COL6A1: variants seen among roughly 807,000 people sequenced by gnomAD.
COL6A1 encodes collagen type VI alpha 1 chain.
A neutral mutation model predicts 145.6 loss-of-function variants in COL6A1; 80 were observed. The ratio of observed to expected loss-of-function variants is 0.55; its 90% CI spans 0.46 to 0.66. The LOEUF (loss-of-function observed/expected upper bound fraction) is 0.66, where lower values mean the gene tolerates loss of function less well. COL6A1 is among the 30% of genes least tolerant of loss of function. The pLI, the probability that COL6A1 is intolerant of heterozygous loss-of-function variation, is 0.00. For synonymous variants in COL6A1, 638 were observed against 622.8 expected, an observed-to-expected ratio of 1.02 and a Z score of -0.36; for missense variants, 1,364 against 1,473.8, an observed-to-expected ratio of 0.93 and a Z score of 1.22.
intron 19 of COL6A1, among the ~76,000 whole-genome samples, chr21:45,993,307 G>A (rs935445421): frequency 6.6e-6 from 1 of 152,210 alleles, no homozygotes; most frequent in Admixed American, 6.5e-5. Flanking sequence ...CCAGCCTCAG[G>A]GTGCAGAAGC....
chr21:45,993,622 G>C (rs530037270), intron 19 of COL6A1, among the ~76,000 whole-genome samples: 1 of 152,260 alleles, frequency 6.6e-6, no homozygotes, highest in African/African-American at 2.4e-5. Context: ...GCCACCGAGG[G>C]ATTTGGCTCC....
In COL6A1 at chr21:45,984,320, C is replaced by T; in HGVS notation, c.279C>T (p.Tyr93=). Residue 93 remains tyrosine, a synonymous_variant, in exon 3 of 35, where the codon TAC becomes TAT. Coordinates refer to ENST00000361866, the MANE Select transcript of COL6A1 (RefSeq NM_001848.3). The part of the protein sequence containing the change: ...NLVWNAGALH[Y]SDEVEIIQGL... The stretch of plus-strand genomic sequence containing the variant: ...TGTGGAACGCAGGCGCGCTGCACTA[C>T]AGTGACGAGGTGGAGATCATCCAAG... 2 of 1,612,086 alleles carry T rather than the reference C, an allele frequency of 1.2e-6. No homozygotes were observed. Among genetic ancestry groups the T allele is most frequent in the Non-Finnish European group, 1.7e-6 (2 of 1,179,658 alleles).
At chr21:45,991,106 C>T in intron 15 of COL6A1, 65 bp downstream of exon 15, 1 of 1,559,186 alleles carries the variant, frequency 6.4e-7, no homozygotes, top group East Asian at 2.2e-5. Flanking sequence ...GAATTGGAAA[C>T]CTCTCCTGGA....
chr21:45,992,727 C>T (rs1345270026), intron 18 of COL6A1, 21 bp from the exon 19 acceptor site: 2 of 1,575,624 alleles, frequency 1.3e-6, no homozygotes, highest in African/African-American at 2.7e-5. Context: ...AGGCTTCTCC[C>T]CTCCATGTCT....
Position 46,002,020 on chromosome 21 carries a change from G to C in COL6A1, c.2016G>C (p.Glu672Asp). The change falls in exon 31 of 35, where the codon GAG becomes GAC. Residue 672 changes from glutamate to aspartate, a missense_variant. Glu to Asp is a conservative substitution (Grantham distance 45). This residue lies in a region of COL6A1 where 938 missense variants were observed against 1,003.8 expected (regional missense o/e 0.93). Coordinates refer to ENST00000361866, the MANE Select transcript of COL6A1 (RefSeq NM_001848.3). ...AGTACAGCCACAGCCAGATGCAGGA[G>C]CACGTGAGCCTGCGCAGCCCCAGCA... ...VVQYSHSQMQ[E>D]HVSLRSPSIR... 1 of 1,612,714 alleles carries C rather than the reference G, an allele frequency of 6.2e-7. No homozygotes were observed. Among genetic ancestry groups the C allele is most frequent in the South Asian group, 1.1e-5 (1 of 91,030 alleles).
chr21:45,998,899 C>T lies in COL6A1; in HGVS notation c.1614C>T (p.Gly538=), dbSNP rs1444882088. ...CAAGTGCTCTCCCGTCACTGCAGGG[C>T]ACGAAGGGCTACCCCGGCCTCAAGG... is the stretch of plus-strand genomic sequence containing the variant. ...PGNRGAPGIN[G]TKGYPGLKGD... is the part of the protein sequence containing the mutation. The change falls in exon 25 of 35, where the codon GGC becomes GGT. Residue 538 remains glycine (G), a splice_region_variant and synonymous_variant. Transcript: ENST00000361866. 18 of 1,554,716 alleles carry T rather than the reference C, an allele frequency of 1.2e-5. No individual in the cohort carries two copies. The highest frequency in any genetic ancestry group is 1.4e-5 in the Non-Finnish European group (16 of 1,148,602).
chr21:45,999,961 A>G (rs796506617), intron 27 of COL6A1, among the ~76,000 whole-genome samples: 522 of 1,380 alleles, frequency 0.38, 152 homozygotes, highest in South Asian at 0.41. Flanking sequence ...GGATCATGGG[A>G]GGACGTGAGG....
In COL6A1 at chr21:45,987,189, C is replaced by T. The variant is rs374896651; in HGVS notation, c.738+14C>T. The T allele has an allele frequency of 6.9e-4, 1,104 of 1,592,568 alleles. 1 individual carries two copies. The highest frequency in any genetic ancestry group is 8.6e-4 in the Non-Finnish European group (1,010 of 1,176,366). ...GTGGAGCAAGTGGTAAGAGCCCTCC[C>T]CACCACCCCCAGCCGTGAGTCTGCA... On this transcript the variant is annotated intron_variant, in intron 6 of 34. Coordinates refer to ENST00000361866, the MANE Select transcript of COL6A1 (RefSeq NM_001848.3).
chr21:45,992,620 CG>C, intron 18 of COL6A1, 127 bp from the exon 19 acceptor site: 1 of 1,073,874 alleles, frequency 9.3e-7, no homozygotes, highest in Non-Finnish European at 1.4e-6. Context: ...GTGGGGCATG[CG>C]GTGGAGGGGT....
chr21:45,984,610 T>C (rs933209992), intron 3 of COL6A1, 141 bp downstream of exon 3: 1 of 747,502 alleles, frequency 1.3e-6, no homozygotes, highest in Non-Finnish European at 2.3e-6. Context: ...CCTGACCCAC[T>C]TTGTGGGCAG....
At position 45,992,177 on chromosome 21, in the gene COL6A1, A is replaced by G; in HGVS notation, c.1196A>G (p.Glu399Gly). 2 of 1,613,698 alleles carry G rather than the reference A, an allele frequency of 1.2e-6. No homozygotes were observed. Among genetic ancestry groups the G allele is most frequent in the Non-Finnish European group, 1.7e-6 (2 of 1,179,984 alleles). Residue 399 changes from glutamate (E) to glycine (G), a missense_variant, in exon 17 of 35, where the codon GAG becomes GGG. Coordinates refer to ENST00000361866, the MANE Select transcript of COL6A1 (RefSeq NM_001848.3). ...GPSGDEGQPG[E>G]PGPPGEKGEA... Reference sequence around the variant, plus strand: ...TGTTCCCCACAGGGCCAGCCGGGAGAGCCTGGGCCCCCCGGAGAGAAAGGA... The same window carrying G: ...TGTTCCCCACAGGGCCAGCCGGGAGGGCCTGGGCCCCCCGGAGAGAAAGGA...
At chr21:45,985,367 G>A (rs1006185938) in intron 3 of COL6A1, among the ~76,000 whole-genome samples, 3 of 149,000 alleles carry the variant, frequency 2.0e-5, no homozygotes, top group African/African-American at 7.7e-5. Context: ...GAGACAGAGA[G>A]AGAAGCACAG....
intron 27 of COL6A1, 95 bp downstream of exon 27, chr21:45,999,787 G>A: frequency 1.1e-6 from 1 of 945,144 alleles, no homozygotes; most frequent in African/African-American, 2.0e-5. Context: ...TGTAGACGCT[G>A]CTCACGGGGG....
intron 18 of COL6A1, 139 bp from the exon 19 acceptor site, chr21:45,992,609 C>A: frequency 9.4e-7 from 1 of 1,060,754 alleles, no homozygotes; most frequent in Non-Finnish European, 1.4e-6. Context: ...CCTCTGCAAC[C>A]GTGGGGCATG....
At chr21:45,991,940 G>A in intron 15 of COL6A1, 70 bp from the exon 16 acceptor site, 1 of 1,447,266 alleles carries the variant, frequency 6.9e-7, no homozygotes, top group Non-Finnish European at 9.5e-7. Context: ...GGCCCTGGAT[G>A]TGGCCTCTGA....
rs1467389704 is a variant in COL6A1, at chr21:45,997,424, G to A, written c.1402G>A (p.Glu468Lys). Residue 468 changes from glutamate to lysine, a missense_variant, in exon 21 of 35, where the codon GAG (glutamate) becomes AAG (lysine). Around this residue, in one of 3 missense-constraint regions of COL6A1, gnomAD observed 938 missense variants for 1,003.8 expected, o/e 0.93. Coordinates refer to ENST00000361866, the MANE Select transcript of COL6A1 (RefSeq NM_001848.3). ...TGCCATATCCATCTCTCTACAGGGCGAGGCTGGCCCTATCGGACCTAAAGG... is the reference window on the plus strand; with the variant it reads ...TGCCATATCCATCTCTCTACAGGGCAAGGCTGGCCCTATCGGACCTAAAGG... Reference protein sequence around the residue: ...GPVGVPGDPGEAGPIGPKGYR... With the variant: ...GPVGVPGDPGKAGPIGPKGYR... 8.1e-6 allele frequency: 13 copies of A among 1,612,826 alleles called. No individual in the cohort carries two copies. Among genetic ancestry groups the A allele is most frequent in the Admixed American group, 1.7e-5 (1 of 59,976 alleles).
chr21:45,989,363 G>A (rs571705810), intron 9 of COL6A1, among the ~76,000 whole-genome samples: 16 of 152,320 alleles, frequency 1.1e-4, no homozygotes, highest in East Asian at 5.8e-4. Flanking sequence ...GTGGGGAGGT[G>A]GCCCAGGGTG....
rs749929221 is a variant in COL6A1 at position 45,986,629 on chromosome 21, G to A, written c.532G>A (p.Glu178Lys). The A allele has an allele frequency of 1.3e-5, 20 of 1,554,028 alleles. 1 individual carries two copies. In the South Asian group the frequency reaches 1.4e-4, roughly 11 times the overall value. The change falls in exon 4 of 35, where the codon GAG (glutamate) becomes AAG (lysine). Residue 178 changes from glutamate to lysine, a missense_variant. Transcript: ENST00000361866. The stretch of plus-strand genomic sequence containing the variant: ...TGGGGGGCTGGAGGATGCTGTGAAC[G>A]AGGCCAAGCACCTGGGCGTCAAAGT... ...PCGGLEDAVNEAKHLGVKVFS... is the reference protein window; with the variant it reads ...PCGGLEDAVNKAKHLGVKVFS...
chr21:45,999,712 C>G lies in COL6A1; in HGVS notation c.1776+20C>G, dbSNP rs747868738. 1 of 1,610,372 alleles carries G rather than the reference C, an allele frequency of 6.2e-7. No homozygotes were observed. Among genetic ancestry groups the G allele is most frequent in the Non-Finnish European group, 8.5e-7 (1 of 1,178,832 alleles). On this transcript the variant is annotated intron_variant, in intron 27 of 34. Coordinates refer to ENST00000361866, the MANE Select transcript of COL6A1 (RefSeq NM_001848.3). ...CCGGACGTAAGTGGGGCTCTGTGAA[C>G]ATTGCTGGGGGCGACCACTGTAGCT...
Sources: allele counts gnomAD v4.1 joint callset (sites outside exome capture counted in the v4.1 genomes callset), GRCh38; gene constraint gnomAD v4.1.1; regional missense constraint gnomAD v4.1.1; transcripts MANE v1.5; gene names NCBI Gene and HGNC (gene_info 2026-07-23, HGNC 2026-07-21).